Variants in ITLN2 observed in about 807,000 individuals in gnomAD.
ITLN2 encodes intelectin 2.
Under a neutral mutation model 39.4 loss-of-function variants are expected in ITLN2, and 29 were observed. That is an observed-to-expected ratio of 0.74 (90% CI 0.55 to 1.00). The LOEUF (loss-of-function observed/expected upper bound fraction) is 1.00, where lower values mean the gene tolerates loss of function less well. Ranked by LOEUF, ITLN2 falls within the 50% of genes least tolerant of loss-of-function variation. The pLI is 0.00. For missense variants in ITLN2, 412 were observed against 416.7 expected, an observed-to-expected ratio of 0.99 and a Z score of 0.10; for synonymous variants, 156 against 153.4, an observed-to-expected ratio of 1.02 and a Z score of -0.12.
chr1:160,953,683 C>T (rs1420823931), intron 2 of ITLN2, among the ~76,000 whole-genome samples: 1 of 151,904 alleles, frequency 6.6e-6, no homozygotes, highest in Non-Finnish European at 1.5e-5. Context: ...CGCACTCCAA[C>T]CTGGGCAACA....
chr1:160,950,231 G>T lies in ITLN2; in HGVS notation c.601-65C>A. The T allele has an allele frequency of 1.9e-6, 3 of 1,566,208 alleles. No homozygotes were observed. The South Asian group carries it at 3.4e-5, about 18-fold the overall frequency. Reference sequence around the variant, plus strand: ...AGATGCTGCCACAGTGTGGGGGGAGGAGGGGTTTCAAATTAACTGCCATTA... The same window carrying T: ...AGATGCTGCCACAGTGTGGGGGGAGTAGGGGTTTCAAATTAACTGCCATTA... On this transcript the variant is annotated intron_variant, in intron 5 of 7. Transcript: ENST00000368029.
At chr1:160,954,636 G>A (rs12401642) in intron 1 of ITLN2, 91 bp downstream of exon 1, 122,191 of 1,486,062 alleles carry the variant, frequency 0.082, 7,013 homozygotes, top group East Asian at 0.22. Flanking sequence ...GGGGCCATGG[G>A]CTCATTTCCC....
chr1:160,947,907 A>T lies in ITLN2; in HGVS notation c.825+22T>A, dbSNP rs190863946. ...TCTTTCTTTTCCCCACACGTGGGCC[A>T]TTGATCTCCCCAAAAACTCACATGC... On this transcript the variant is annotated intron_variant, in intron 7 of 7. Coordinates refer to ENST00000368029, the MANE Select transcript of ITLN2 (RefSeq NM_080878.3). The T allele has an allele frequency of 1.9e-4, 295 of 1,541,858 alleles. 1 individual carries two copies. Among genetic ancestry groups the T allele is most frequent in the Admixed American group, 3.8e-4 (23 of 59,858 alleles).
At chr1:160,951,547 T>C in intron 3 of ITLN2, 1 of 433,930 alleles carries the variant, frequency 2.3e-6, no homozygotes, top group South Asian at 3.9e-5. Flanking sequence ...TATCTCCCTC[T>C]CGACAGTGCC....
chr1:160,950,781 G>A, intron 4 of ITLN2, 70 bp from the exon 5 acceptor site: 1 of 1,560,806 alleles, frequency 6.4e-7, no homozygotes, highest in Non-Finnish European at 8.7e-7. Flanking sequence ...CACATGTGCA[G>A]CCTCAGCTGG....
At chr1:160,950,860 C>T (rs1475664655) in intron 4 of ITLN2, 149 bp from the exon 5 acceptor site, 1 of 1,449,794 alleles carries the variant, frequency 6.9e-7, no homozygotes, top group African/African-American at 1.4e-5. Context: ...AGCTGATGAT[C>T]CCACCACCAC....
intron 3 of ITLN2, among the ~76,000 whole-genome samples, chr1:160,951,831 G>A (rs1671753239): frequency 6.6e-6 from 1 of 152,178 alleles, no homozygotes; most frequent in Non-Finnish European, 1.5e-5. Context: ...TGGAAAGATG[G>A]GAACCTTGTG....
At chr1:160,954,638 T>C in intron 1 of ITLN2, 89 bp downstream of exon 1, 2 of 1,502,840 alleles carry the variant, frequency 1.3e-6, no homozygotes, top group Non-Finnish European at 1.8e-6. Context: ...GGCCATGGGC[T>C]CATTTCCCTG....
chr1:160,951,352 T>C (rs1294075929), intron 3 of ITLN2, 62 bp from the exon 4 acceptor site: 4 of 1,519,464 alleles, frequency 2.6e-6, no homozygotes, highest in Non-Finnish European at 3.5e-6. Context: ...CTCAGCTCCG[T>C]GAATAGAAAA....
intron 3 of ITLN2, 63 bp downstream of exon 3, chr1:160,952,557 C>G: frequency 8.9e-7 from 1 of 1,129,104 alleles, no homozygotes; most frequent in South Asian, 1.2e-5. Context: ...ATTTCCATGA[C>G]TGGGCTCTGT....
At chr1:160,947,881 CTCTT>C (rs776150012) in intron 7 of ITLN2, 44 bp downstream of exon 7, 14 of 1,248,062 alleles carry the variant, frequency 1.1e-5, no homozygotes, top group African/African-American at 5.9e-5. Context: ...AATCTGATCT[CTCTT>C]TCTTTTCCCC....
Position 160,952,752 on chromosome 1 carries a change from A to G in ITLN2, c.80-19T>C. Reference sequence around the variant, plus strand: ...GCTGCTGCTAGAAAATGTGAGAATGAGTCTCATTAGAAGTCTGACCACTGA... The same window carrying G: ...GCTGCTGCTAGAAAATGTGAGAATGGGTCTCATTAGAAGTCTGACCACTGA... On this transcript the variant is annotated intron_variant, in intron 2 of 7. Transcript: ENST00000368029. 2.6e-6 allele frequency: 4 copies of G among 1,563,690 alleles called. No homozygotes were observed. Among genetic ancestry groups the G allele is most frequent in the Middle Eastern group, 1.8e-4 (1 of 5,454 alleles).
chr1:160,954,723 T>C lies in ITLN2; in HGVS notation c.15+4A>G, dbSNP rs1671823825. The C allele has an allele frequency of 6.2e-7, 1 of 1,614,100 alleles. No individual in the cohort carries two copies. Among genetic ancestry groups the C allele is most frequent in the Non-Finnish European group, 8.5e-7 (1 of 1,179,966 alleles). ...CACACATGGATCAAAAACATTTTTC[T>C]CACCAGCATGGACAGCATCCTTACA... On this transcript the variant is annotated splice_donor_region_variant and intron_variant, in intron 1 of 7. Transcript: ENST00000368029.
At chr1:160,949,364 G>T (rs1189439692) in intron 6 of ITLN2, 2 of 152,426 alleles carry the variant, frequency 1.3e-5, no homozygotes, top group East Asian at 3.8e-4. Flanking sequence ...CCTCAGCACA[G>T]ACCCTTTGTG....
intron 3 of ITLN2, among the ~76,000 whole-genome samples, chr1:160,952,415 A>G (rs1275762404): frequency 6.6e-6 from 1 of 152,178 alleles, no homozygotes; most frequent in African/African-American, 2.4e-5. Context: ...ATCACCAGGA[A>G]CACTGCATTC....
At chr1:160,952,458 G>C (rs1463738431) in intron 3 of ITLN2, among the ~76,000 whole-genome samples, 162 bp downstream of exon 3, 1 of 152,210 alleles carries the variant, frequency 6.6e-6, no homozygotes, top group Admixed American at 6.5e-5. Context: ...TGACTGGAAT[G>C]GGACACAAAA....
chr1:160,951,476 G>T, intron 3 of ITLN2, 186 bp from the exon 4 acceptor site: 1 of 689,468 alleles, frequency 1.5e-6, no homozygotes, highest in Non-Finnish European at 2.3e-6. Flanking sequence ...GACTGTCTTG[G>T]CTTCACACTA....
intron 7 of ITLN2, among the ~76,000 whole-genome samples, chr1:160,946,926 A>T (rs1671618506): frequency 6.6e-6 from 1 of 152,138 alleles, no homozygotes; most frequent in Non-Finnish European, 1.5e-5. Context: ...GCCCCTCCAC[A>T]TCTGTGGGTA....
At chr1:160,953,338 G>A (rs907206076) in intron 2 of ITLN2, among the ~76,000 whole-genome samples, 26 of 152,202 alleles carry the variant, frequency 1.7e-4, no homozygotes, top group Admixed American at 1.5e-3. Context: ...ACAGAGGCCA[G>A]TGGATGAAGG....
Sources: gnomAD v4.1 joint callset for allele counts (sites outside exome capture counted in the v4.1 genomes callset) on GRCh38, gnomAD v4.1.1 for gene constraint, MANE v1.5 for transcripts, NCBI Gene and HGNC (gene_info 2026-07-23, HGNC 2026-07-21) for gene names.